Variants in DDB2 observed in about 807,000 individuals in gnomAD.
The protein encoded by DDB2 is DNA damage-binding protein 2.
In DDB2, 27 loss-of-function variants were observed where a neutral mutation model predicts 50.5. The observed-to-expected ratio is 0.53, with a 90% CI of 0.39 to 0.74. DDB2 has a LOEUF of 0.74. Ranked by LOEUF, DDB2 falls within the 30% of genes least tolerant of loss-of-function variation. DDB2 has a pLI of 0.00. For missense variants in DDB2, 424 were observed against 545.6 expected, an observed-to-expected ratio of 0.78 and a Z score of 2.22; for synonymous variants, 176 against 205.5, an observed-to-expected ratio of 0.86 and a Z score of 1.23.
intron 3 of DDB2, among the ~76,000 whole-genome samples, chr11:47,227,952 C>T (rs201088445): frequency 2.6e-5 from 4 of 151,580 alleles, no homozygotes; most frequent in Non-Finnish European, 5.9e-5. Context: ...CCATCCTGGC[C>T]AACATGGTGA....
intron 3 of DDB2, among the ~76,000 whole-genome samples, chr11:47,223,664 C>T (rs1288488381): frequency 2.0e-5 from 3 of 151,844 alleles, no homozygotes; most frequent in Non-Finnish European, 4.4e-5. Context: ...CGCCTGTAGT[C>T]CCAGCTACTT....
At chr11:47,226,838 C>T (rs796440495) in intron 3 of DDB2, among the ~76,000 whole-genome samples, 5 of 150,752 alleles carry the variant, frequency 3.3e-5, no homozygotes, top group African/African-American at 1.2e-4. Context: ...AACTTCTGGG[C>T]TCCAGTGATC....
At position 47,234,595 on chromosome 11, in the gene DDB2, G is replaced by T; in HGVS notation, c.625G>T (p.Val209Leu). The T allele has an allele frequency of 1.9e-6, 3 of 1,614,114 alleles. No homozygotes were observed. The highest frequency in any genetic ancestry group is 2.5e-6 in the Non-Finnish European group (3 of 1,179,996). The change falls in exon 5 of 10, where the codon GTG (valine) becomes TTG (leucine). Residue 209 changes from valine (V) to leucine (L), a missense_variant. Coordinates refer to ENST00000256996, the MANE Select transcript of DDB2 (RefSeq NM_000107.3). ...CAGCATCTGGTTTTGTAGCCTGGAT[G>T]TGTCTGCTAGTAGCCGAATGGTGGT... ...TINIWFCSLD[V>L]SASSRMVVTG...
Position 47,235,383 on chromosome 11 carries a change from C to G in DDB2, c.994C>G (p.Arg332Gly). Residue 332 changes from arginine (R) to glycine (G), a missense_variant, in exon 7 of 10, where the codon CGT (arginine) becomes GGT (glycine). By Grantham distance (125) the Arg-to-Gly change is moderately radical. Coordinates refer to ENST00000256996, the MANE Select transcript of DDB2 (RefSeq NM_000107.3). ...CPLGLIPHPH[R>G]HFQHLTPIKA... ...CCTGGGCCTGATCCCGCACCCTCAC[C>G]GTCACTTCCAGCACCTCACACCCAT... is the stretch of plus-strand genomic sequence containing the variant. 1.2e-6 allele frequency: 2 copies of G among 1,613,586 alleles called. No individual in the cohort carries two copies. The highest frequency in any genetic ancestry group is 1.7e-6 in the Non-Finnish European group (2 of 1,180,036).
rs1953383789 is a variant in DDB2 at position 47,215,236 on chromosome 11, G to T, written c.100G>T (p.Ala34Ser). 6.2e-6 allele frequency: 10 copies of T among 1,613,922 alleles called. No individual in the cohort carries two copies. The highest frequency in any genetic ancestry group is 6.8e-6 in the Non-Finnish European group (8 of 1,179,978). The change falls in exon 1 of 10, where the codon GCC becomes TCC. Residue 34 changes from alanine to serine, a missense_variant. Coordinates refer to ENST00000256996, the MANE Select transcript of DDB2 (RefSeq NM_000107.3). ...SRSPLELEPE[A>S]KKLCAKGSGP... ...GAGTCCCCTGGAGCTGGAGCCCGAGGCCAAGAAGCTCTGTGCGAAGGGCTC... is the reference window on the plus strand; with the variant it reads ...GAGTCCCCTGGAGCTGGAGCCCGAGTCCAAGAAGCTCTGTGCGAAGGGCTC...
At chr11:47,222,720 G>C (rs898649028) in intron 3 of DDB2, among the ~76,000 whole-genome samples, 3 of 152,196 alleles carry the variant, frequency 2.0e-5, no homozygotes, top group African/African-American at 7.2e-5. Context: ...GTTTTTGAAT[G>C]CAACATATAA....
chr11:47,221,480 T>C (rs983052303), intron 3 of DDB2, among the ~76,000 whole-genome samples: 3 of 152,102 alleles, frequency 2.0e-5, no homozygotes, highest in African/African-American at 4.8e-5. Flanking sequence ...AGTTTCACTC[T>C]ATTGCCCAGG....
upstream of DDB2, chr11:47,214,799 G>C (rs1590987093): frequency 8.0e-5 from 31 of 388,800 alleles, no homozygotes; most frequent in South Asian, 7.8e-4. Flanking sequence ...CCATAAAGCC[G>C]GGGACCATCT....
chr11:47,221,361 C>T (rs1249254625), intron 3 of DDB2, among the ~76,000 whole-genome samples: 2 of 151,794 alleles, frequency 1.3e-5, no homozygotes, highest in Non-Finnish European at 2.9e-5. Flanking sequence ...GCAACCTCCG[C>T]CTCCTGGGTT....
At chr11:47,228,138 CAAAAA>C (rs35908583) in intron 3 of DDB2, among the ~76,000 whole-genome samples, 1 of 57,460 alleles carries the variant, frequency 1.7e-5, no homozygotes. Flanking sequence ...GGCTCTGTCT[CAAAAA>C]AAAAAAAAAA....
chr11:47,214,573 G>A (rs150304708), upstream of DDB2: 111 of 158,404 alleles, frequency 7.0e-4, no homozygotes, highest in Non-Finnish European at 9.4e-4. Flanking sequence ...ACAACAAAGC[G>A]AGACCCCGTC....
Position 47,239,043 on chromosome 11 carries a change from C to A in DDB2, c.*194C>A. ...AATGCTCTGGACTTGCCTCCAGAGA[C>A]TGCTCCAGAGTTGGTGACACAGCTG... is the stretch of plus-strand genomic sequence containing the variant. On this transcript the variant is annotated 3_prime_UTR_variant, in exon 10 of 10. Coordinates refer to ENST00000256996, the MANE Select transcript of DDB2 (RefSeq NM_000107.3). 2 of 593,602 alleles carry A rather than the reference C, an allele frequency of 3.4e-6. No individual in the cohort carries two copies. Among genetic ancestry groups the A allele is most frequent in the East Asian group, 2.9e-5 (1 of 34,426 alleles). 36.8% of individuals were successfully genotyped at this position (593,602 alleles called of 1,614,324 possible). A position where few individuals can be genotyped will look rare whatever the true frequency, so the allele number is the denominator to read the frequency against.
At chr11:47,222,630 G>C (rs968316103) in intron 3 of DDB2, among the ~76,000 whole-genome samples, 1 of 152,220 alleles carries the variant, frequency 6.6e-6, no homozygotes, top group Non-Finnish European at 1.5e-5. Context: ...ATAGGCGTGA[G>C]CCCCTGCACC....
intron 9 of DDB2, 78 bp from the exon 10 acceptor site, chr11:47,238,722 G>GTAGGTTTGGGGC (rs1953788139): frequency 6.5e-7 from 1 of 1,530,380 alleles, no homozygotes; most frequent in African/African-American, 1.4e-5. Flanking sequence ...TTACCAAATT[G>GTAGGTTTGGGGC]TAGGTTTGCG....
rs1216411898 is a variant in DDB2 at position 47,234,564 on chromosome 11, T to A, written c.603-9T>A. ...CCCAAGAATCTTACAACACAGTCTCTCCCTCCAGCATCTGGTTTTGTAGCC... is the reference window on the plus strand; with the variant it reads ...CCCAAGAATCTTACAACACAGTCTCACCCTCCAGCATCTGGTTTTGTAGCC... On this transcript the variant is annotated splice_polypyrimidine_tract_variant and intron_variant, in intron 4 of 9. Transcript: ENST00000256996. 4 of 1,611,454 alleles carry A rather than the reference T, an allele frequency of 2.5e-6. No homozygotes were observed. Among genetic ancestry groups the A allele is most frequent in the Non-Finnish European group, 3.4e-6 (4 of 1,177,670 alleles).
rs139325563 is a variant in DDB2, at chr11:47,234,659, T to C, written c.689T>C (p.Met230Thr). ...DNVGNVILLN[M>T]DGKELWNLRM... ...GTGGGGAACGTGATCCTGCTGAACATGGACGGCAAAGAGGTGCGTTCTCCG... is the reference window on the plus strand; with the variant it reads ...GTGGGGAACGTGATCCTGCTGAACACGGACGGCAAAGAGGTGCGTTCTCCG... The change falls in exon 5 of 10, where the codon ATG becomes ACG. Residue 230 changes from methionine (M) to threonine (T), a missense_variant. Physicochemically the swap from Met to Thr is moderately conservative, Grantham distance 81. Coordinates refer to ENST00000256996, the MANE Select transcript of DDB2 (RefSeq NM_000107.3). 3.8e-5 allele frequency: 61 copies of C among 1,614,118 alleles called. No homozygotes were observed. The East Asian group carries it at 9.1e-4, about 24-fold the overall frequency.
chr11:47,238,731 C>T (rs566631407), intron 9 of DDB2, 69 bp from the exon 10 acceptor site: 31 of 1,566,494 alleles, frequency 2.0e-5, no homozygotes, highest in Middle Eastern at 3.4e-4. Context: ...TGTAGGTTTG[C>T]GGGCCAGCCC....
intron 6 of DDB2, 61 bp from the exon 7 acceptor site, chr11:47,235,209 C>G (rs750406992): frequency 1.2e-4 from 198 of 1,611,192 alleles, no homozygotes; most frequent in Non-Finnish European, 1.6e-4. Context: ...AGAAGGCCTG[C>G]AAGGCCAGGA....
At chr11:47,219,359 A>G (rs1953449488) in intron 3 of DDB2, among the ~76,000 whole-genome samples, 1 of 150,264 alleles carries the variant, frequency 6.7e-6, no homozygotes, top group African/African-American at 2.5e-5. Flanking sequence ...CCAGAACTTC[A>G]TTATTTTTTT....
Sources: allele counts gnomAD v4.1 joint callset (sites outside exome capture counted in the v4.1 genomes callset), GRCh38; gene constraint gnomAD v4.1.1; transcripts MANE v1.5; gene names NCBI Gene and HGNC (gene_info 2026-07-23, HGNC 2026-07-21).